VAV2: variants seen among roughly 807,000 people sequenced by gnomAD.
VAV2 encodes the protein guanine nucleotide exchange factor VAV2.
In VAV2, 67 loss-of-function variants were observed where a neutral mutation model predicts 132.5. That is an observed-to-expected ratio of 0.51 (90% confidence interval 0.42 to 0.62). The LOEUF (loss-of-function observed/expected upper bound fraction) is 0.62. VAV2 is among the 20% of genes least tolerant of loss of function. The pLI is 0.00. For synonymous variants in VAV2, 492 were observed against 443.5 expected, an observed-to-expected ratio of 1.11 and a Z score of -1.37; for missense variants, 938 against 1,153.6, an observed-to-expected ratio of 0.81 and a Z score of 2.71.
At chr9:133,915,917 CAA>C (rs1840069027) in intron 2 of VAV2, among the ~76,000 whole-genome samples, 1 of 151,464 alleles carries the variant, frequency 6.6e-6, no homozygotes, top group African/African-American at 2.4e-5. Context: ...CGTGCACACA[CAA>C]TGCACACATG....
intron 2 of VAV2, among the ~76,000 whole-genome samples, chr9:133,896,921 C>T (rs2873890): frequency 0.2 from 30,420 of 151,504 alleles, 3,543 homozygotes; most frequent in African/African-American, 0.32. Flanking sequence ...GGTGAAACCC[C>T]GTCTCTACTA....
chr9:133,941,205 C>T (rs1841142865), intron 1 of VAV2, among the ~76,000 whole-genome samples: 1 of 152,058 alleles, frequency 6.6e-6, no homozygotes, highest in Admixed American at 6.6e-5. Flanking sequence ...GTCAGGAGTT[C>T]AAGACCAGCC....
chr9:133,815,498 T>C (rs1835520922), intron 4 of VAV2, among the ~76,000 whole-genome samples: 2 of 152,132 alleles, frequency 1.3e-5, no homozygotes, highest in African/African-American at 4.8e-5. Context: ...TTCTGACTGT[T>C]CTTCACCACA....
At chr9:133,933,645 ATGGACGGATGGGTGGATGGG>A (rs1249342473) in intron 2 of VAV2, among the ~76,000 whole-genome samples, 1 of 148,212 alleles carries the variant, frequency 6.7e-6, no homozygotes, top group Non-Finnish European at 1.5e-5. Flanking sequence ...GGATGGATGA[ATGGACGGATGGGTGGATGGG>A]TGGACGGATG....
At chr9:133,931,194 G>A (rs1840675318) in intron 2 of VAV2, among the ~76,000 whole-genome samples, 1 of 152,194 alleles carries the variant, frequency 6.6e-6, no homozygotes, top group African/African-American at 2.4e-5. Flanking sequence ...CATCAGGGCA[G>A]GCCCTGCTGG....
At chr9:133,893,146 T>C (rs1256758778) in intron 2 of VAV2, among the ~76,000 whole-genome samples, 4 of 151,920 alleles carry the variant, frequency 2.6e-5, no homozygotes, top group Non-Finnish European at 5.9e-5. Flanking sequence ...ACAGCCTGAG[T>C]CCCACCTCCC....
intron 2 of VAV2, among the ~76,000 whole-genome samples, chr9:133,930,741 T>C (rs575447715): frequency 6.6e-6 from 1 of 152,254 alleles, no homozygotes; most frequent in Non-Finnish European, 1.5e-5. Context: ...AAAGGTCCAG[T>C]AGCCACAAGT....
intron 2 of VAV2, among the ~76,000 whole-genome samples, chr9:133,936,957 G>T (rs1344416429): frequency 6.6e-6 from 1 of 152,196 alleles, no homozygotes; most frequent in African/African-American, 2.4e-5. Flanking sequence ...CTGCCCATTT[G>T]CAAACTGCTT....
intron 2 of VAV2, among the ~76,000 whole-genome samples, chr9:133,920,400 G>T (rs1840255746): frequency 6.6e-6 from 1 of 152,216 alleles, no homozygotes; most frequent in South Asian, 2.1e-4. Context: ...GCAATCCAGG[G>T]TGGCTTCATA....
At chr9:133,871,395 TGGAC>T (rs1164822145) in intron 2 of VAV2, among the ~76,000 whole-genome samples, 1 of 143,900 alleles carries the variant, frequency 6.9e-6, no homozygotes, top group Non-Finnish European at 1.5e-5. Context: ...GATGAATAGA[TGGAC>T]GGACGGATGG....
chr9:133,877,428 T>C lies in VAV2; in HGVS notation c.322-15996A>G, dbSNP rs142931331. On this transcript the variant is annotated intron_variant, in intron 2 of 29. Transcript: ENST00000371850. ...CCAGGAACCTTCTTGGAAGAGCCAG[T>C]GCTTGTGTTCTGGGTGACACGTTCG... is the stretch of plus-strand genomic sequence containing the variant. Among the ~76,000 whole-genome samples, 226 of 152,316 alleles carry C rather than the reference T, an allele frequency of 1.5e-3. 1 individual carries two copies. Among genetic ancestry groups the C allele is most frequent in the African/African-American group, 5.1e-3 (211 of 41,572 alleles).
intron 4 of VAV2, among the ~76,000 whole-genome samples, chr9:133,816,383 TG>T (rs1237739145): frequency 6.6e-6 from 1 of 152,256 alleles, no homozygotes; most frequent in African/African-American, 2.4e-5. Flanking sequence ...AAGAAATCCT[TG>T]TGCCTTGTCT....
intron 2 of VAV2, among the ~76,000 whole-genome samples, chr9:133,865,925 TGGTGCCAAAGCAG>T: frequency 6.6e-6 from 1 of 152,260 alleles, no homozygotes; most frequent in Non-Finnish European, 1.5e-5. Flanking sequence ...ACTCCATGCC[TGGTGCCAAAGCAG>T]GGTGTATCCT....
Position 133,978,498 on chromosome 9 carries a change from C to T in VAV2, c.204+13577G>A, listed in dbSNP as rs73662358. Among the ~76,000 whole-genome samples the T allele has an allele frequency of 7.5e-3, 1,140 of 152,370 alleles. 10 individuals are homozygous for T. The highest frequency in any genetic ancestry group is 0.026 in the African/African-American group (1,072 of 41,582). On this transcript the variant is annotated intron_variant, in intron 1 of 29. Transcript: ENST00000371850. The stretch of plus-strand genomic sequence containing the variant: ...CCTGGCGGGTCACGGAAAGATACCG[C>T]GTGTTCGCGCTGCCTTTGAACCCAA...
At chr9:133,783,705 G>A (rs1000029667) in intron 18 of VAV2, 114 bp from the exon 19 acceptor site, 7 of 876,708 alleles carry the variant, frequency 8.0e-6, no homozygotes, top group Non-Finnish European at 1.3e-5. Flanking sequence ...CTGTCTCCCA[G>A]CACACACATC....
chr9:133,933,733 G>GATGGATGA (rs1840778681), intron 2 of VAV2, among the ~76,000 whole-genome samples: 1 of 147,216 alleles, frequency 6.8e-6, no homozygotes, highest in African/African-American at 2.5e-5. Flanking sequence ...ATGGATGGTG[G>GATGGATGA]ATGAATGGAT....
intron 10 of VAV2, among the ~76,000 whole-genome samples, chr9:133,797,342 G>T (rs375676763): frequency 1.8e-4 from 27 of 152,050 alleles, no homozygotes; most frequent in African/African-American, 6.5e-4. Context: ...CCCTGGGCCT[G>T]GGGTGAGGAT....
At chr9:133,786,732 C>A (rs1397895267) in intron 16 of VAV2, among the ~76,000 whole-genome samples, 1 of 152,254 alleles carries the variant, frequency 6.6e-6, no homozygotes. Context: ...ACCCCACAGG[C>A]CTCGCCATCT....
intron 2 of VAV2, among the ~76,000 whole-genome samples, chr9:133,882,078 G>A (rs1401320586): frequency 6.6e-6 from 1 of 152,252 alleles, no homozygotes; most frequent in Non-Finnish European, 1.5e-5. Flanking sequence ...GAGGCAAGAG[G>A]CAGCCATCCC....
Sources: allele counts gnomAD v4.1 joint callset (sites outside exome capture counted in the v4.1 genomes callset), GRCh38; gene constraint gnomAD v4.1.1; transcripts MANE v1.5; gene names NCBI Gene and HGNC (gene_info 2026-07-23, HGNC 2026-07-21).